Variants in ANHX observed in about 807,000 individuals in gnomAD.
ANHX encodes the protein anomalous homeobox, also known as anomalous homeobox protein.
In ANHX, 20 loss-of-function variants were observed where a neutral mutation model predicts 38.9. The observed-to-expected ratio is 0.51, with a 90% CI of 0.36 to 0.75. The LOEUF is 0.75. Among genes scored for constraint, ANHX ranks in the 30% least tolerant of loss-of-function variants. The pLI, the probability that ANHX is intolerant of heterozygous loss-of-function variation, is 0.00. For synonymous variants in ANHX, 185 were observed against 203.1 expected, an observed-to-expected ratio of 0.91 and a Z score of 0.76; for missense variants, 475 against 493.1, an observed-to-expected ratio of 0.96 and a Z score of 0.35.
At chr12:133,223,331 CA>C (rs1417891099) in intron 7 of ANHX, among the ~76,000 whole-genome samples, 1 of 151,702 alleles carries the variant, frequency 6.6e-6, no homozygotes, top group East Asian at 1.9e-4. Flanking sequence ...TTCCAACATC[CA>C]AATAACATTT....
chr12:133,227,875 C>T lies in ANHX; in HGVS notation c.450G>A (p.Lys150=). 6.5e-7 allele frequency: 1 copy of T among 1,534,572 alleles called. No homozygotes were observed. Among genetic ancestry groups the T allele is most frequent in the South Asian group, 1.2e-5 (1 of 84,010 alleles). ...SRNFPREVRE[K]LHNFAVGVNT... The stretch of plus-strand genomic sequence containing the variant: ...TCACCCCCACAGCGAAATTGTGCAG[C>T]TTCTCACGAACCTCTCTGGGGAAGT... Residue 150 remains lysine, a synonymous_variant, in exon 4 of 10, where the codon AAG becomes AAA. Transcript: ENST00000545940.
intron 7 of ANHX, among the ~76,000 whole-genome samples, chr12:133,223,070 TC>T (rs1957131994): frequency 6.6e-6 from 1 of 151,908 alleles, no homozygotes. Context: ...ATGCCTGTAA[TC>T]CCAGCTACTT....
At chr12:133,225,119 C>T (rs1452068328) in intron 7 of ANHX, among the ~76,000 whole-genome samples, 1 of 152,090 alleles carries the variant, frequency 6.6e-6, no homozygotes, top group Non-Finnish European at 1.5e-5. Context: ...GATTTTACAG[C>T]TTCAACGATA....
chr12:133,221,548 ACAGCCTTC>A lies in ANHX; in HGVS notation c.1133-204_1133-197del. 6.6e-6 allele frequency among the ~76,000 whole-genome samples: 1 copy of A among 152,168 alleles called. No individual in the cohort carries two copies. The highest frequency in any genetic ancestry group is 6.5e-5 in the Admixed American group (1 of 15,290). ...GGAACTGTCACAACCATTGATCTCA[ACAGCCTTC>A]CAGGCTTCCAGAGACCAAGACACGG... On this transcript the variant is annotated intron_variant, in intron 7 of 9. Coordinates refer to ENST00000545940, the MANE Select transcript of ANHX (RefSeq NM_001372060.1). The surrounding 1 kb of genome is among the most constrained non-coding windows in gnomAD (Gnocchi z 4.1).
intron 2 of ANHX, among the ~76,000 whole-genome samples, chr12:133,233,111 T>G (rs1957308757): frequency 6.6e-6 from 1 of 152,140 alleles, no homozygotes; most frequent in Non-Finnish European, 1.5e-5. Context: ...TGCAAAGGCC[T>G]TGGGACAGGG....
At chr12:133,227,782 C>G in intron 4 of ANHX, 42 bp downstream of exon 4, 1 of 1,532,814 alleles carries the variant, frequency 6.5e-7, no homozygotes, top group South Asian at 1.2e-5. Flanking sequence ...AGGGAGGCAC[C>G]AGGCAGGGAC....
chr12:133,226,803 C>T, intron 5 of ANHX, 133 bp downstream of exon 5: 1 of 922,576 alleles, frequency 1.1e-6, no homozygotes. Context: ...TGATCTTGCT[C>T]CCACAGAGTG....
In ANHX at chr12:133,226,298, G is replaced by C; in HGVS notation, c.839+20C>G. On this transcript the variant is annotated intron_variant, in intron 6 of 9. Coordinates refer to ENST00000545940, the MANE Select transcript of ANHX (RefSeq NM_001372060.1). ...AACTGAATAGGTGAGATGATTCCAT[G>C]GCCATGGAGATGACAGTACCTGACA... The C allele has an allele frequency of 2.0e-6, 3 of 1,536,240 alleles. No individual in the cohort carries two copies. Among genetic ancestry groups the C allele is most frequent in the Non-Finnish European group, 2.6e-6 (3 of 1,146,912 alleles).
At chr12:133,219,390 A>C (rs1957077962) in intron 8 of ANHX, 23 bp from the exon 9 acceptor site, 1 of 1,476,762 alleles carries the variant, frequency 6.8e-7, no homozygotes, top group Admixed American at 2.2e-5. Flanking sequence ...CAGTGTAAGA[A>C]TAGGCCCTAT....
rs146791708 is a variant in ANHX at position 133,224,299 on chromosome 12, G to A, written c.1132+1237C>T. Among the ~76,000 whole-genome samples, 951 of 152,206 alleles carry A rather than the reference G, an allele frequency of 6.2e-3. 6 individuals are homozygous for A. Among genetic ancestry groups the A allele is most frequent in the Non-Finnish European group, 0.01 (682 of 68,010 alleles). ...GACAATGTAAAAAGAAAAAGGAAAG[G>A]CATGGAGAAGCTCCAAGAAGAAAAA... On this transcript the variant is annotated intron_variant, in intron 7 of 9. Transcript: ENST00000545940.
At chr12:133,222,956 C>T (rs147367442) in intron 7 of ANHX, among the ~76,000 whole-genome samples, 1,873 of 152,018 alleles carry the variant, frequency 0.012, 47 homozygotes, top group African/African-American at 0.043. Flanking sequence ...TTTGGGAGGC[C>T]GAGGCAGGTG....
At chr12:133,227,295 G>A in intron 4 of ANHX, 143 bp from the exon 5 acceptor site, 1 of 906,344 alleles carries the variant, frequency 1.1e-6, no homozygotes, top group Non-Finnish European at 1.6e-6. Flanking sequence ...AGAGAGCGGT[G>A]AGCATGAGCA....
Position 133,221,936 on chromosome 12 carries a change from T to C in ANHX, c.1133-584A>G, listed in dbSNP as rs1456969727. On this transcript the variant is annotated intron_variant, in intron 7 of 9. Coordinates refer to ENST00000545940, the MANE Select transcript of ANHX (RefSeq NM_001372060.1). The surrounding 1 kb of genome is among the most constrained non-coding windows in gnomAD (Gnocchi z 4.1). Reference sequence around the variant, plus strand: ...AGCTGTGGCCTGAAAAGGCAGGTTTTTTCCTGCCCTGAGTCTACTAGGCTG... The same window carrying C: ...AGCTGTGGCCTGAAAAGGCAGGTTTCTTCCTGCCCTGAGTCTACTAGGCTG... Among the ~76,000 whole-genome samples, 1 of 152,176 alleles carries C rather than the reference T, an allele frequency of 6.6e-6. No individual in the cohort carries two copies. The highest frequency in any genetic ancestry group is 2.4e-5 in the African/African-American group (1 of 41,434).
At chr12:133,232,925 C>T (rs1377570467) in intron 2 of ANHX, among the ~76,000 whole-genome samples, 1 of 152,112 alleles carries the variant, frequency 6.6e-6, no homozygotes, top group African/African-American at 2.4e-5. Context: ...GATTGACAAA[C>T]AACCTTCTAG....
At chr12:133,222,229 C>G (rs557251474) in intron 7 of ANHX, among the ~76,000 whole-genome samples, 5 of 152,320 alleles carry the variant, frequency 3.3e-5, no homozygotes, top group Non-Finnish European at 5.9e-5. Flanking sequence ...CATCATAGTA[C>G]AGCAATAGAT....
Position 133,226,449 on chromosome 12 carries a change from T to A in ANHX, c.719-11A>T. 6.5e-7 allele frequency: 1 copy of A among 1,531,422 alleles called. No individual in the cohort carries two copies. Among genetic ancestry groups the A allele is most frequent in the Non-Finnish European group, 8.7e-7 (1 of 1,143,796 alleles). The allele number at this position is 1,531,422 out of a possible 1,614,324, so 94.9% of individuals were successfully genotyped here. On this transcript the variant is annotated splice_polypyrimidine_tract_variant and intron_variant, in intron 5 of 9. Transcript: ENST00000545940. ...TTTCCTCACGTTCCTCTGAAAGTGA[T>A]GAGATGGGAGGGGAGACTTAGTGAG... is the stretch of plus-strand genomic sequence containing the variant.
intron 3 of ANHX, 143 bp from the exon 4 acceptor site, chr12:133,228,090 G>A (rs1957214942): frequency 1.1e-6 from 1 of 935,228 alleles, no homozygotes; most frequent in Non-Finnish European, 1.6e-6. Flanking sequence ...TCCAGTTAGT[G>A]AAAACTAGAG....
Position 133,227,904 on chromosome 12 carries a change from G to C in ANHX, c.421C>G (p.Arg141Gly). 1 of 1,419,500 alleles carries C rather than the reference G, an allele frequency of 7.0e-7. No individual in the cohort carries two copies. Among genetic ancestry groups the C allele is most frequent in the Non-Finnish European group, 9.3e-7 (1 of 1,075,062 alleles). The allele number at this position is 1,419,500 out of a possible 1,614,324, so 87.9% of individuals were successfully genotyped here. ...TCACGAACCTCTCTGGGGAAGTTCC[G>C]GCTCTTCAGCCCCTCTGGGCAGAGG... Reference protein sequence around the residue: ...PSLCPEGLKSRNFPREVREKL... With the variant: ...PSLCPEGLKSGNFPREVREKL... Residue 141 changes from arginine (R) to glycine (G), a missense_variant, in exon 4 of 10, where the codon CGG (arginine) becomes GGG (glycine). Transcript: ENST00000545940.
At chr12:133,234,540 C>T (rs1158806898) in intron 1 of ANHX, 162 bp from the exon 2 acceptor site, 3 of 737,870 alleles carry the variant, frequency 4.1e-6, no homozygotes, top group Non-Finnish European at 6.5e-6. Context: ...AGGGCAGCAC[C>T]ATAGCATACA....
Sources: allele counts gnomAD v4.1 joint callset (sites outside exome capture counted in the v4.1 genomes callset), GRCh38; gene constraint gnomAD v4.1.1; non-coding constraint Gnocchi (gnomAD v3.1); transcripts MANE v1.5; gene names NCBI Gene and HGNC (gene_info 2026-07-23, HGNC 2026-07-21).